Variants in ATP10A observed in about 807,000 individuals in gnomAD.
The protein encoded by ATP10A is phospholipid-transporting ATPase VA.
ATP10A carries 111 observed loss-of-function variants against 147.8 expected under a neutral mutation model. The ratio of observed to expected loss-of-function variants is 0.75; its 90% CI spans 0.64 to 0.88. The LOEUF (loss-of-function observed/expected upper bound fraction) is 0.88. Among genes scored for constraint, ATP10A ranks in the 40% least tolerant of loss-of-function variants. The pLI, the probability that ATP10A is intolerant of heterozygous loss-of-function variation, is 0.00. For missense variants in ATP10A, 1,927 were observed against 1,959.0 expected (o/e 0.98, Z 0.31); for synonymous variants, 875 against 841.6 (o/e 1.04, Z -0.69).
rs1899523610 is a variant in ATP10A, at chr15:25,683,267, A to G, written c.3492+19T>C. 1 of 1,610,930 alleles carries G rather than the reference A, an allele frequency of 6.2e-7. No individual in the cohort carries two copies. The highest frequency in any genetic ancestry group is 8.5e-7 in the Non-Finnish European group (1 of 1,178,520). On this transcript the variant is annotated intron_variant, in intron 17 of 20. Coordinates refer to ENST00000555815, the MANE Select transcript of ATP10A (RefSeq NM_024490.4). ...GCAGAGCTCAGGAGGTGGAAGGCGGAGACTCGGGGGAGCTTTACCTCCATG... is the reference window on the plus strand; with the variant it reads ...GCAGAGCTCAGGAGGTGGAAGGCGGGGACTCGGGGGAGCTTTACCTCCATG...
chr15:25,814,586 G>T (rs1891570338), intron 1 of ATP10A, among the ~76,000 whole-genome samples: 1 of 152,184 alleles, frequency 6.6e-6, no homozygotes, highest in Admixed American at 6.5e-5. Flanking sequence ...ATCTTCCTCT[G>T]TTTCTTCAAA....
intron 14 of ATP10A, 23 bp from the exon 15 acceptor site, chr15:25,691,814 G>T (rs770505973): frequency 6.2e-7 from 1 of 1,613,650 alleles, no homozygotes; most frequent in Non-Finnish European, 8.5e-7. Flanking sequence ...CAGGCAAGAA[G>T]AATTGTTTGA....
At chr15:25,748,749 A>G (rs1684315052) in intron 2 of ATP10A, among the ~76,000 whole-genome samples, 1 of 152,068 alleles carries the variant, frequency 6.6e-6, no homozygotes, top group Admixed American at 6.6e-5. Context: ...AATCTTAGAA[A>G]CTTATTAGAA....
chr15:25,799,410 G>C (rs1596910538), intron 1 of ATP10A, among the ~76,000 whole-genome samples: 1 of 152,146 alleles, frequency 6.6e-6, no homozygotes, highest in African/African-American at 2.4e-5. Context: ...GCCTCTAAAG[G>C]CTGGCACTAC....
intron 1 of ATP10A, among the ~76,000 whole-genome samples, chr15:25,803,301 C>T (rs946170235): frequency 3.9e-5 from 6 of 152,226 alleles, no homozygotes; most frequent in East Asian, 3.9e-4. Flanking sequence ...TGCATTCATG[C>T]GTTCATTCAG....
intron 4 of ATP10A, among the ~76,000 whole-genome samples, 195 bp from the exon 5 acceptor site, chr15:25,726,277 A>G (rs1902542041): frequency 6.6e-6 from 1 of 152,204 alleles, no homozygotes; most frequent in African/African-American, 2.4e-5. Context: ...AAATGAAATT[A>G]ATCTTATACA....
At chr15:25,780,875 C>T in intron 2 of ATP10A, 144 bp downstream of exon 2, 1 of 852,162 alleles carries the variant, frequency 1.2e-6, no homozygotes, top group South Asian at 1.7e-5. Flanking sequence ...CAGGGGTCCT[C>T]TCAGACCCTC....
At chr15:25,856,179 C>T (rs1893507916) in intron 1 of ATP10A, among the ~76,000 whole-genome samples, 1 of 152,054 alleles carries the variant, frequency 6.6e-6, no homozygotes, top group Non-Finnish European at 1.5e-5. Flanking sequence ...TGTAATAATC[C>T]CCACGTGTCA....
intron 1 of ATP10A, among the ~76,000 whole-genome samples, chr15:25,791,150 G>C (rs189414311): frequency 8.9e-4 from 130 of 145,622 alleles, no homozygotes; most frequent in Middle Eastern, 3.7e-3. Flanking sequence ...GCACGATCTC[G>C]ACTCACTGCA....
At chr15:25,693,304 T>C (rs538025282) in intron 14 of ATP10A, among the ~76,000 whole-genome samples, 18 of 152,354 alleles carry the variant, frequency 1.2e-4, no homozygotes, top group Admixed American at 9.8e-4. Context: ...ATGACTGGTG[T>C]GAACCACGTG....
intron 12 of ATP10A, among the ~76,000 whole-genome samples, chr15:25,707,581 T>A (rs1054917732): frequency 2.6e-5 from 4 of 152,208 alleles, no homozygotes; most frequent in African/African-American, 7.2e-5. Context: ...TTCTTTTCAT[T>A]CACCTCGAAT....
intron 2 of ATP10A, among the ~76,000 whole-genome samples, chr15:25,769,478 C>T (rs1273942964): frequency 3.1e-5 from 3 of 98,240 alleles, no homozygotes; most frequent in Non-Finnish European, 5.5e-5. Flanking sequence ...CAGAGGGAGA[C>T]TCTGTCTCAA....
At position 25,781,036 on chromosome 15, in the gene ATP10A, G is replaced by A. The variant is rs141692655; in HGVS notation, c.637C>T (p.Arg213Cys). 9.9e-6 allele frequency: 16 copies of A among 1,613,930 alleles called. No homozygotes were observed. Among genetic ancestry groups the A allele is most frequent in the East Asian group, 2.2e-5 (1 of 44,866 alleles). ...TCACTTACAAGCTCCGAGAAGCCGC[G>A]GACCACCTGCCGCCGCTTCAGGTTG... is the stretch of plus-strand genomic sequence containing the variant. ...ETNLKRRQVVRGFSELVSEFN... is the reference protein window; with the variant it reads ...ETNLKRRQVVCGFSELVSEFN... Residue 213 changes from arginine (R) to cysteine (C), a missense_variant, in exon 2 of 21, where the codon CGC (arginine) becomes TGC (cysteine). By Grantham distance (180) the Arg-to-Cys change is radical. Transcript: ENST00000555815.
chr15:25,860,609 G>A (rs919907800), intron 1 of ATP10A, among the ~76,000 whole-genome samples: 1 of 152,192 alleles, frequency 6.6e-6, no homozygotes, highest in African/African-American at 2.4e-5. Flanking sequence ...CTTCAGTAAG[G>A]AAGAAGACAG....
chr15:25,703,726 C>A (rs2140351014), intron 12 of ATP10A, among the ~76,000 whole-genome samples: 1 of 152,334 alleles, frequency 6.6e-6, no homozygotes, highest in Non-Finnish European at 1.5e-5. Flanking sequence ...ATACCAGTGT[C>A]ACCAGCCCTG....
chr15:25,807,454 C>T (rs528395046), intron 1 of ATP10A, among the ~76,000 whole-genome samples: 1 of 152,334 alleles, frequency 6.6e-6, no homozygotes, highest in African/African-American at 2.4e-5. Context: ...GCTGAACACT[C>T]CCTGTGAAAT....
At position 25,726,423 on chromosome 15, in the gene ATP10A, A is replaced by T. The variant is rs144603438; in HGVS notation, c.848-341T>A. On this transcript the variant is annotated intron_variant, in intron 4 of 20. Transcript: ENST00000555815. ...TTTCCTAGTTTCCAAATGTTCTACA[A>T]TGGGGATATGTTATGCTTTTTTTCT... 3.3e-3 allele frequency among the ~76,000 whole-genome samples: 492 copies of T among 151,296 alleles called. 3 individuals carry two copies. In the Middle Eastern group the frequency reaches 0.038, roughly 12 times the overall value.
Position 25,781,146 on chromosome 15 carries a change from A to C in ATP10A, c.527T>G (p.Ile176Ser), listed in dbSNP as rs1393228370. 2.5e-6 allele frequency: 4 copies of C among 1,614,038 alleles called. No homozygotes were observed. Among genetic ancestry groups the C allele is most frequent in the Non-Finnish European group, 3.4e-6 (4 of 1,180,038 alleles). Residue 176 changes from isoleucine (I) to serine (S), a missense_variant, in exon 2 of 21, where the codon ATC (isoleucine) becomes AGC (serine). Transcript: ENST00000555815. ...GAGCAGCAGAATGTCCGCAGGGAAG[A>C]TTTCGTTGCAGCGAAGACGCACAAA... ...GDFVRLRCNE[I>S]FPADILLLSS...
chr15:25,684,965 T>C (rs751731451), intron 16 of ATP10A, among the ~76,000 whole-genome samples: 8 of 152,168 alleles, frequency 5.3e-5, no homozygotes, highest in Admixed American at 2.0e-4. Flanking sequence ...AAAACGAACA[T>C]TTGGTTTTTA....
Sources: allele counts gnomAD v4.1 joint callset (sites outside exome capture counted in the v4.1 genomes callset), GRCh38; gene constraint gnomAD v4.1.1; transcripts MANE v1.5; gene names NCBI Gene and HGNC (gene_info 2026-07-23, HGNC 2026-07-21).